The following TGS1 variants were observed in gnomAD, a reference collection of about 807,000 sequenced individuals.
TGS1 encodes the protein trimethylguanosine synthase.
Under a neutral mutation model 92.2 loss-of-function variants are expected in TGS1, and 69 were observed. The ratio of observed to expected loss-of-function variants is 0.75; its 90% confidence interval spans 0.62 to 0.91. TGS1 has a LOEUF of 0.91. Ranked by LOEUF, TGS1 falls within the 40% of genes least tolerant of loss-of-function variation. The pLI is 0.00. For synonymous variants in TGS1, 345 were observed against 338.1 expected (o/e 1.02, Z -0.22); for missense variants, 1,062 against 1,001.2 (o/e 1.06, Z -0.82).
At chr8:55,822,493 T>C (rs1200953945) in intron 12 of TGS1, among the ~76,000 whole-genome samples, 1 of 152,100 alleles carries the variant, frequency 6.6e-6, no homozygotes, top group Non-Finnish European at 1.5e-5. Context: ...AGAAAAATTA[T>C]TGTGAAAAAA....
chr8:55,773,857 C>G, intron 1 of TGS1, 138 bp downstream of exon 1: 4 of 660,088 alleles, frequency 6.1e-6, no homozygotes, highest in Non-Finnish European at 1.0e-5. Context: ...TTAAGAAAAA[C>G]AAAACCCTCA....
intron 7 of TGS1, 133 bp downstream of exon 7, chr8:55,796,285 T>G (rs1257884251): frequency 6.1e-5 from 39 of 641,132 alleles, no homozygotes; most frequent in Non-Finnish European, 9.4e-5. Context: ...TTTTTTTTAC[T>G]TGCTTCTTGA....
intron 1 of TGS1, among the ~76,000 whole-genome samples, chr8:55,780,780 A>G (rs1365257038): frequency 2.0e-5 from 3 of 152,134 alleles, no homozygotes; most frequent in African/African-American, 7.2e-5. Context: ...GTATTTATTC[A>G]TTTATGTTAA....
At chr8:55,781,605 C>A (rs1464879900) in intron 1 of TGS1, among the ~76,000 whole-genome samples, 1 of 152,190 alleles carries the variant, frequency 6.6e-6, no homozygotes, top group Non-Finnish European at 1.5e-5. Flanking sequence ...GCTCCTGCTT[C>A]CCACCCCCAG....
Position 55,780,906 on chromosome 8 carries a change from G to C in TGS1, c.102-1842G>C, listed in dbSNP as rs149407458. ...TCCCAGTGGGGAACTCTTTGAAGTGGCTCCTGTGTCCTTTTGGTATTTCTA... is the reference window on the plus strand; with the variant it reads ...TCCCAGTGGGGAACTCTTTGAAGTGCCTCCTGTGTCCTTTTGGTATTTCTA... On this transcript the variant is annotated intron_variant, in intron 1 of 12. Coordinates refer to ENST00000260129, the MANE Select transcript of TGS1 (RefSeq NM_024831.8). 4.9e-4 allele frequency among the ~76,000 whole-genome samples: 74 copies of C among 152,278 alleles called. 1 individual carries two copies. The highest frequency in any genetic ancestry group is 1.7e-3 in the African/African-American group (69 of 41,548).
intron 12 of TGS1, among the ~76,000 whole-genome samples, chr8:55,820,566 C>G (rs1003652272): frequency 1.3e-5 from 2 of 152,066 alleles, no homozygotes; most frequent in African/African-American, 4.8e-5. Context: ...AAAAAAAGTG[C>G]AGTTTTGAAT....
chr8:55,797,784 A>T (rs1812099759), intron 7 of TGS1, among the ~76,000 whole-genome samples: 1 of 152,176 alleles, frequency 6.6e-6, no homozygotes, highest in South Asian at 2.1e-4. Context: ...GTAGACCATA[A>T]TCTTAGACTC....
At chr8:55,798,611 A>G (rs1812125014) in intron 7 of TGS1, among the ~76,000 whole-genome samples, 1 of 152,192 alleles carries the variant, frequency 6.6e-6, no homozygotes, top group Non-Finnish European at 1.5e-5. Context: ...ATTGTTAAGA[A>G]CCCTTATGGA....
rs186292438 is a variant in TGS1 at position 55,780,663 on chromosome 8, A to G, written c.102-2085A>G. ...GCCTTCATTGATAACTTCCCCCTGA[A>G]TCAGCTACCTCTGTGAAGGATGCCA... On this transcript the variant is annotated intron_variant, in intron 1 of 12. Transcript: ENST00000260129. 3.1e-3 allele frequency among the ~76,000 whole-genome samples: 468 copies of G among 152,308 alleles called. 5 individuals are homozygous for G. Among genetic ancestry groups the G allele is most frequent in the African/African-American group, 0.01 (416 of 41,558 alleles).
At chr8:55,805,675 C>A (rs1319906739) in intron 10 of TGS1, among the ~76,000 whole-genome samples, 1 of 151,864 alleles carries the variant, frequency 6.6e-6, no homozygotes, top group East Asian at 1.9e-4. Context: ...CACCTGAGGT[C>A]AGGAGTTCGA....
intron 5 of TGS1, among the ~76,000 whole-genome samples, chr8:55,790,788 G>A (rs1218807320): frequency 6.6e-6 from 1 of 152,086 alleles, no homozygotes; most frequent in African/African-American, 2.4e-5. Context: ...CAAAGCACTG[G>A]GATTACAGGT....
chr8:55,808,270 T>G (rs999215845), intron 10 of TGS1, among the ~76,000 whole-genome samples: 2 of 152,184 alleles, frequency 1.3e-5, no homozygotes, highest in African/African-American at 4.8e-5. Flanking sequence ...CACTATTTAC[T>G]ATCAAAGTTC....
At position 55,773,461 on chromosome 8, in the gene TGS1, G is replaced by A. The variant is rs995705139; in HGVS notation, c.-158G>A. On this transcript the variant is annotated 5_prime_UTR_variant, in exon 1 of 13. Transcript: ENST00000260129. ...CCTCGGAGCCACTTCCGGCGGCAGC[G>A]TCCGGGCTAGTTCCCGGCGCGAGCG... 1.9e-6 allele frequency: 1 copy of A among 528,002 alleles called. No individual in the cohort carries two copies. The highest frequency in any genetic ancestry group is 3.3e-6 in the Non-Finnish European group (1 of 307,012). The allele number at this position is 528,002 out of a possible 1,614,324, so 32.7% of individuals were successfully genotyped here. A position where few individuals can be genotyped will look rare whatever the true frequency, so the allele number is the denominator to read the frequency against.
At chr8:55,781,568 G>A (rs531903637) in intron 1 of TGS1, among the ~76,000 whole-genome samples, 1 of 152,170 alleles carries the variant, frequency 6.6e-6, no homozygotes, top group East Asian at 1.9e-4. Flanking sequence ...AGGTGCTGGC[G>A]GGCAGACCAG....
chr8:55,820,486 C>T (rs1031321881), intron 12 of TGS1, among the ~76,000 whole-genome samples: 15 of 151,922 alleles, frequency 9.9e-5, no homozygotes, highest in Admixed American at 9.8e-4. Flanking sequence ...TGCAGTGAGC[C>T]GAGATCATGC....
At chr8:55,779,792 T>C (rs1811510904) in intron 1 of TGS1, among the ~76,000 whole-genome samples, 1 of 152,204 alleles carries the variant, frequency 6.6e-6, no homozygotes, top group Non-Finnish European at 1.5e-5. Flanking sequence ...GACCATCTTA[T>C]CAATTCCATT....
intron 8 of TGS1, among the ~76,000 whole-genome samples, chr8:55,801,294 A>G (rs1206538597): frequency 3.3e-5 from 5 of 152,176 alleles, no homozygotes; most frequent in African/African-American, 1.2e-4. Flanking sequence ...TTTTTTAGAC[A>G]GAGTCTTGCT....
At chr8:55,810,244 A>G (rs1192870501) in intron 10 of TGS1, among the ~76,000 whole-genome samples, 2 of 152,238 alleles carry the variant, frequency 1.3e-5, no homozygotes, top group African/African-American at 2.4e-5. Flanking sequence ...TGGATAGGCT[A>G]AAATTAAATT....
rs71256569 is a variant in TGS1 at position 55,797,216 on chromosome 8, CCTT to C, written c.1542+1069_1542+1071del. On this transcript the variant is annotated intron_variant, in intron 7 of 12. Coordinates refer to ENST00000260129, the MANE Select transcript of TGS1 (RefSeq NM_024831.8). Reference sequence around the variant, plus strand: ...ATGGTGGAAAGGGAAGCAAACAACTCCTTCTTCACATGGCAGCTAGAGAGAGAA... The same window carrying C: ...ATGGTGGAAAGGGAAGCAAACAACTCCTTCACATGGCAGCTAGAGAGAGAA... 2.9e-4 allele frequency among the ~76,000 whole-genome samples: 44 copies of C among 152,246 alleles called. 1 individual carries two copies. The highest frequency in any genetic ancestry group is 2.6e-4 in the Admixed American group (4 of 15,294).
Sources: gnomAD v4.1 joint callset for allele counts (sites outside exome capture counted in the v4.1 genomes callset) on GRCh38, gnomAD v4.1.1 for gene constraint, MANE v1.5 for transcripts, NCBI Gene and HGNC (gene_info 2026-07-23, HGNC 2026-07-21) for gene names.